Variants in GABBR2 observed in about 807,000 individuals in gnomAD.
GABBR2 encodes G-protein coupled receptor 51.
In GABBR2, 23 loss-of-function variants were observed where a neutral mutation model predicts 105.6. The observed-to-expected ratio is 0.22, with a 90% CI of 0.16 to 0.31. The LOEUF is 0.31. Among genes scored for constraint, GABBR2 ranks in the 10% least tolerant of loss-of-function variants. The pLI is 1.00. For synonymous variants in GABBR2, 478 were observed against 499.7 expected, an observed-to-expected ratio of 0.96 and a Z score of 0.58; for missense variants, 734 against 1,245.5, an observed-to-expected ratio of 0.59 and a Z score of 6.18.
chr9:98,342,377 T>G (rs923533699), intron 13 of GABBR2, among the ~76,000 whole-genome samples: 14 of 151,974 alleles, frequency 9.2e-5, no homozygotes, highest in East Asian at 3.9e-4. Flanking sequence ...TTGTGAGAGA[T>G]AAGGCTAGGG....
chr9:98,302,441 C>A (rs1005637857), intron 16 of GABBR2, among the ~76,000 whole-genome samples: 1 of 152,204 alleles, frequency 6.6e-6, no homozygotes. Flanking sequence ...AGCAGAGCTG[C>A]CCCAACCGGG....
chr9:98,588,089 A>G (rs1829100566), intron 1 of GABBR2, among the ~76,000 whole-genome samples: 1 of 152,212 alleles, frequency 6.6e-6, no homozygotes, highest in African/African-American at 2.4e-5. Flanking sequence ...ACAGAAAGTC[A>G]TTTTTAAACT....
rs913428240 is a variant in GABBR2, at chr9:98,507,737, C to T, written c.631-11223G>A. On this transcript the variant is annotated intron_variant, in intron 3 of 18. Coordinates refer to ENST00000259455, the MANE Select transcript of GABBR2 (RefSeq NM_005458.8). ...GACTTATCCTCTGAACTCCACAGTC[C>T]TGGGCTCAAGATCCCTCTTCTCGGC... is the stretch of plus-strand genomic sequence containing the variant. Among the ~76,000 whole-genome samples the T allele has an allele frequency of 1.5e-4, 23 of 152,326 alleles. No individual in the cohort carries two copies. The East Asian group carries it at 4.2e-3, about 28-fold the overall frequency.
chr9:98,352,069 T>C (rs1243210291), intron 13 of GABBR2, among the ~76,000 whole-genome samples: 3 of 152,202 alleles, frequency 2.0e-5, no homozygotes, highest in Non-Finnish European at 4.4e-5. Flanking sequence ...GTAGTCTCTG[T>C]ATGATTTCTT....
intron 13 of GABBR2, among the ~76,000 whole-genome samples, chr9:98,344,590 GC>G (rs1387039247): frequency 6.6e-5 from 10 of 152,028 alleles, no homozygotes; most frequent in Non-Finnish European, 1.5e-4. Flanking sequence ...TTTGTGAATG[GC>G]TCTCTCTTGA....
intron 1 of GABBR2, among the ~76,000 whole-genome samples, chr9:98,618,336 T>C (rs1588254861): frequency 6.6e-6 from 1 of 152,134 alleles, no homozygotes; most frequent in East Asian, 1.9e-4. Context: ...ATCACAATAG[T>C]TGGGGGTTTG....
intron 1 of GABBR2, chr9:98,607,817 C>T: frequency 1.1e-6 from 1 of 908,528 alleles, no homozygotes; most frequent in Non-Finnish European, 1.8e-6. Context: ...GGGCAGCTGA[C>T]CAAGAGCCCT....
intron 11 of GABBR2, among the ~76,000 whole-genome samples, chr9:98,371,846 C>T (rs1475218804): frequency 6.6e-6 from 1 of 151,874 alleles, no homozygotes; most frequent in Admixed American, 6.5e-5. Flanking sequence ...GAGGGAGAGC[C>T]ACAGAGGGCC....
At chr9:98,402,366 C>A (rs1832409383) in intron 8 of GABBR2, among the ~76,000 whole-genome samples, 3 of 151,068 alleles carry the variant, frequency 2.0e-5, no homozygotes, top group African/African-American at 7.3e-5. Flanking sequence ...AGTATTCATC[C>A]TCATCTACAC....
intron 7 of GABBR2, among the ~76,000 whole-genome samples, chr9:98,415,560 A>T (rs542917950): frequency 6.6e-6 from 1 of 152,332 alleles, no homozygotes; most frequent in East Asian, 1.9e-4. Context: ...CTCTGTGCTC[A>T]GGCTTCCCTC....
At chr9:98,676,703 G>T (rs1217433322) in intron 1 of GABBR2, among the ~76,000 whole-genome samples, 1 of 152,202 alleles carries the variant, frequency 6.6e-6, no homozygotes, top group African/African-American at 2.4e-5. Context: ...GACAACAAGA[G>T]TTAAGGAACT....
intron 2 of GABBR2, among the ~76,000 whole-genome samples, chr9:98,564,260 G>T (rs1588230423): frequency 1.3e-5 from 2 of 152,182 alleles, no homozygotes; most frequent in Admixed American, 1.3e-4. Flanking sequence ...CCCCCAGAGA[G>T]GCCACTCTTA....
intron 18 of GABBR2, among the ~76,000 whole-genome samples, chr9:98,291,882 C>T (rs1272080485): frequency 6.6e-6 from 1 of 152,202 alleles, no homozygotes; most frequent in Non-Finnish European, 1.5e-5. Context: ...AAGCAGAACC[C>T]TAGGTAAATA....
chr9:98,410,652 T>G (rs1832575538), intron 7 of GABBR2, among the ~76,000 whole-genome samples: 1 of 151,684 alleles, frequency 6.6e-6, no homozygotes, highest in African/African-American at 2.4e-5. Flanking sequence ...TGGCCAGAGA[T>G]AGGGCCCCAA....
At chr9:98,591,478 C>A (rs562710684) in intron 1 of GABBR2, among the ~76,000 whole-genome samples, 1 of 152,318 alleles carries the variant, frequency 6.6e-6, no homozygotes, top group African/African-American at 2.4e-5. Context: ...GAGGCACTTG[C>A]TTTACACAGA....
intron 2 of GABBR2, among the ~76,000 whole-genome samples, chr9:98,564,292 C>CT (rs1272681915): frequency 3.3e-5 from 5 of 152,212 alleles, no homozygotes; most frequent in Admixed American, 2.0e-4. Context: ...GAGACCTCAC[C>CT]TTGTGGCCTG....
chr9:98,292,894 G>A (rs1466038905), intron 18 of GABBR2, among the ~76,000 whole-genome samples: 2 of 152,186 alleles, frequency 1.3e-5, no homozygotes, highest in African/African-American at 4.8e-5. Flanking sequence ...TACTCTCAAG[G>A]TGCTTACACT....
chr9:98,619,961 G>T (rs1829645128), intron 1 of GABBR2, among the ~76,000 whole-genome samples: 1 of 152,164 alleles, frequency 6.6e-6, no homozygotes, highest in Non-Finnish European at 1.5e-5. Flanking sequence ...GCCTTGTGCA[G>T]GTCACTTACC....
chr9:98,469,414 A>G (rs1826622981), intron 6 of GABBR2, among the ~76,000 whole-genome samples: 1 of 152,180 alleles, frequency 6.6e-6, no homozygotes, highest in African/African-American at 2.4e-5. Context: ...CCCCTGACAC[A>G]TAGGTAATCC....
Sources: gnomAD v4.1 joint callset for allele counts (sites outside exome capture counted in the v4.1 genomes callset) on GRCh38, gnomAD v4.1.1 for gene constraint, MANE v1.5 for transcripts, NCBI Gene and HGNC (gene_info 2026-07-23, HGNC 2026-07-21) for gene names.